The following NUMA1 variants were observed in gnomAD, a reference collection of about 807,000 sequenced individuals.
NUMA1 encodes nuclear mitotic apparatus protein 1, also known as SP-H antigen.
NUMA1 carries 62 observed loss-of-function variants against 237.1 expected under a neutral mutation model. The observed-to-expected ratio is 0.26, with a 90% CI of 0.21 to 0.32. The LOEUF is 0.32. NUMA1 is among the 10% of genes least tolerant of loss of function. The probability of loss-of-function intolerance (pLI) is 1.00; values close to 1 mark genes in which losing one functional copy is unlikely to be tolerated. For synonymous variants in NUMA1, 1,028 were observed against 1,066.1 expected (o/e 0.96, Z 0.70); for missense variants, 2,533 against 2,666.5 (o/e 0.95, Z 1.10).
chr11:72,061,825 T>A (rs527928885), intron 2 of NUMA1, among the ~76,000 whole-genome samples: 2 of 152,212 alleles, frequency 1.3e-5, no homozygotes, highest in Admixed American at 6.5e-5. Flanking sequence ...TGTCCTTCAA[T>A]GATTTTGACA....
chr11:72,020,963 T>C, intron 8 of NUMA1: 1 of 451,052 alleles, frequency 2.2e-6, no homozygotes, highest in East Asian at 3.5e-5. Context: ...CAAAAGTAGG[T>C]ATGATCACTT....
chr11:72,011,979 T>G (rs1003880171), intron 16 of NUMA1, among the ~76,000 whole-genome samples: 5 of 152,170 alleles, frequency 3.3e-5, no homozygotes, highest in South Asian at 2.1e-4. Context: ...TCCATAAAGC[T>G]GTACTCTGGG....
At chr11:72,078,345 C>A (rs1221644436) in intron 1 of NUMA1, among the ~76,000 whole-genome samples, 2 of 152,212 alleles carry the variant, frequency 1.3e-5, no homozygotes, top group Non-Finnish European at 2.9e-5. Context: ...TAGGTTAATG[C>A]AAAAGTAACT....
intron 2 of NUMA1, among the ~76,000 whole-genome samples, chr11:72,043,905 G>A (rs1378283412): frequency 6.6e-6 from 1 of 152,088 alleles, no homozygotes; most frequent in Non-Finnish European, 1.5e-5. Flanking sequence ...TCCAGCCTGG[G>A]TGCCAGAGCA....
chr11:72,072,244 T>C (rs1943484639), intron 1 of NUMA1: 1 of 154,190 alleles, frequency 6.5e-6, no homozygotes, highest in Non-Finnish European at 1.5e-5. Context: ...GTAAGGTGGA[T>C]ACAATGTGAC....
chr11:72,070,625 T>C (rs377041855), intron 1 of NUMA1, among the ~76,000 whole-genome samples: 3 of 152,250 alleles, frequency 2.0e-5, no homozygotes, highest in Admixed American at 6.5e-5. Flanking sequence ...CTGGGCAACA[T>C]AGTAAAACTC....
intron 20 of NUMA1, 126 bp from the exon 21 acceptor site, chr11:72,007,561 G>C: frequency 8.2e-7 from 1 of 1,226,810 alleles, no homozygotes. Context: ...CCATCTCTCT[G>C]ATTTTTCAGA....
chr11:72,059,187 A>G (rs368783246), intron 2 of NUMA1, among the ~76,000 whole-genome samples: 2 of 152,330 alleles, frequency 1.3e-5, no homozygotes, highest in East Asian at 3.9e-4. Context: ...ATCTGTAATC[A>G]TACCATATAA....
At chr11:72,068,230 T>C (rs1170292724) in intron 2 of NUMA1, 1 of 152,204 alleles carries the variant, frequency 6.6e-6, no homozygotes, top group Non-Finnish European at 1.5e-5. Context: ...AGCTGCAGTT[T>C]CCTATAGAGC....
intron 2 of NUMA1, chr11:72,065,439 A>G (rs1031354928): frequency 7.9e-5 from 12 of 152,180 alleles, no homozygotes; most frequent in African/African-American, 2.4e-4. Context: ...AATTTATATA[A>G]TGAAAAAATG....
chr11:72,018,508 G>T lies in NUMA1; in HGVS notation c.748C>A (p.Gln250Lys). Residue 250 changes from glutamine (Q) to lysine (K), a missense_variant, in exon 11 of 27, where the codon CAG (glutamine) becomes AAG (lysine). Coordinates refer to ENST00000393695, the MANE Select transcript of NUMA1 (RefSeq NM_006185.4). ...NRKLLTEKDA[Q>K]IAMMQQRIDR... The stretch of plus-strand genomic sequence containing the variant: ...ATGCGCTGCTGCATCATGGCTATCT[G>T]TGCATCTGCCCAGAGTGGAGGGAGG... 6.2e-7 allele frequency: 1 copy of T among 1,613,818 alleles called. No homozygotes were observed.
At chr11:72,016,642 C>T (rs1040453274) in intron 13 of NUMA1, 112 bp from the exon 14 acceptor site, 3 of 1,359,880 alleles carry the variant, frequency 2.2e-6, no homozygotes, top group Non-Finnish European at 3.0e-6. Flanking sequence ...TTACCAAGAT[C>T]TCCTTTTGCC....
chr11:72,018,581 G>C, intron 10 of NUMA1, 68 bp from the exon 11 acceptor site: 4 of 1,340,650 alleles, frequency 3.0e-6, no homozygotes, highest in East Asian at 4.6e-5. Context: ...TATGTGCACA[G>C]AACTATGTGC....
intron 18 of NUMA1, 29 bp downstream of exon 18, chr11:72,009,239 G>A (rs1955973652): frequency 6.2e-7 from 1 of 1,602,614 alleles, no homozygotes; most frequent in South Asian, 1.1e-5. Flanking sequence ...CAGGAGGAAG[G>A]TGGCATGGGC....
intron 5 of NUMA1, chr11:72,024,053 G>A (rs931828810): frequency 7.4e-5 from 37 of 502,552 alleles, no homozygotes; most frequent in Admixed American, 2.8e-4. Flanking sequence ...CTAGATCTCC[G>A]AGAAGGGCTC....
At chr11:72,033,197 T>G (rs1393927010) in intron 3 of NUMA1, among the ~76,000 whole-genome samples, 2 of 152,156 alleles carry the variant, frequency 1.3e-5, no homozygotes. Flanking sequence ...TGTTATAGGT[T>G]GGAGTGCAGC....
At chr11:72,029,345 C>T in intron 3 of NUMA1, 55 bp from the exon 4 acceptor site, 1 of 1,167,844 alleles carries the variant, frequency 8.6e-7, no homozygotes, top group Non-Finnish European at 1.2e-6. Context: ...ATGGTTTGCT[C>T]CTTTTCCCAG....
intron 12 of NUMA1, 24 bp downstream of exon 12, chr11:72,018,159 T>A (rs1478964916): frequency 6.4e-7 from 1 of 1,551,846 alleles, no homozygotes; most frequent in East Asian, 2.2e-5. Context: ...GGGGCCTCCA[T>A]GCACACACCA....
In NUMA1 at chr11:72,013,990, T is replaced by C. The variant is rs1456985580; in HGVS notation, c.3513A>G (p.Leu1171=). 1.2e-6 allele frequency: 2 copies of C among 1,612,544 alleles called. No homozygotes were observed. The highest frequency in any genetic ancestry group is 1.6e-4 in the Middle Eastern group (1 of 6,084). Residue 1171 remains leucine, a synonymous_variant, in exon 15 of 27, where the codon TTA becomes TTG. Transcript: ENST00000393695. This position sits in a 1 kb window ranked among gnomAD's most constrained non-coding sequence, Gnocchi z 6.8. ...GCCCTAGCTCCTGGGCCTTCTCCTCTAACTGGCCCTGCAGAGTCTCCAGAG... is the reference window on the plus strand; with the variant it reads ...GCCCTAGCTCCTGGGCCTTCTCCTCCAACTGGCCCTGCAGAGTCTCCAGAG... ...DSALETLQGQ[L]EEKAQELGHS... is the part of the protein sequence containing the mutation.
Sources: gnomAD v4.1 joint callset for allele counts (sites outside exome capture counted in the v4.1 genomes callset) on GRCh38, gnomAD v4.1.1 for gene constraint, Gnocchi (gnomAD v3.1) non-coding constraint, MANE v1.5 for transcripts, NCBI Gene and HGNC (gene_info 2026-07-23, HGNC 2026-07-21) for gene names.